The following LIPA variants were observed in gnomAD, a reference collection of about 807,000 sequenced individuals.
The protein encoded by LIPA is lysosomal acid lipase/cholesteryl ester hydrolase.
In LIPA, 26 loss-of-function variants were observed where a neutral mutation model predicts 40.6. The observed-to-expected ratio is 0.64, with a 90% CI of 0.47 to 0.89. The LOEUF (loss-of-function observed/expected upper bound fraction) is 0.89. LIPA is among the 40% of genes least tolerant of loss of function. The pLI is 0.00. For synonymous variants in LIPA, 188 were observed against 168.4 expected (o/e 1.12, Z -0.90); for missense variants, 455 against 479.6 (o/e 0.95, Z 0.48).
chr10:89,384,355 G>A, intron 2 of LIPA: 1 of 1,614,134 alleles, frequency 6.2e-7, no homozygotes, highest in South Asian at 1.1e-5. Flanking sequence ...TGACCTGGCT[G>A]AAACGTATGC....
At chr10:89,384,526 G>C in intron 2 of LIPA, 1 of 1,613,982 alleles carries the variant, frequency 6.2e-7, no homozygotes. Flanking sequence ...TTATTTAAAA[G>C]GTTTGAAAAT....
chr10:89,339,116 G>C, intron 1 of LIPA: 3 of 1,614,108 alleles, frequency 1.9e-6, no homozygotes, highest in Non-Finnish European at 2.5e-6. Flanking sequence ...AGAAATGAAA[G>C]GGCGAAGGTG....
chr10:89,228,462 C>T, intron 3 of LIPA, 64 bp from the exon 4 acceptor site: 1 of 1,283,916 alleles, frequency 7.8e-7, no homozygotes, highest in Non-Finnish European at 1.1e-6. Flanking sequence ...TGATATCTTG[C>T]TAAATAGAAC....
intron 2 of LIPA, chr10:89,403,801 T>C (rs1331381763): frequency 8.3e-6 from 6 of 724,796 alleles, no homozygotes; most frequent in Non-Finnish European, 9.1e-6. Flanking sequence ...TTCAGAAACA[T>C]TATAATTCAC....
At position 89,214,286 on chromosome 10, in the gene LIPA, C is replaced by G. The variant is rs1274026014; in HGVS notation, c.*542G>C. 2.0e-5 allele frequency: 3 copies of G among 152,978 alleles called. No individual in the cohort carries two copies. Among genetic ancestry groups the G allele is most frequent in the African/African-American group, 7.2e-5 (3 of 41,450 alleles). 9.5% of individuals were successfully genotyped at this position (152,978 alleles called of 1,614,324 possible). Reference sequence around the variant, plus strand: ...ATTGTTAGCATCCTTATTACTGGCACAGCTGTGATATTTCTGGATTTGACT... The same window carrying G: ...ATTGTTAGCATCCTTATTACTGGCAGAGCTGTGATATTTCTGGATTTGACT... On this transcript the variant is annotated 3_prime_UTR_variant, in exon 10 of 10. Coordinates refer to ENST00000336233, the MANE Select transcript of LIPA (RefSeq NM_000235.4).
chr10:89,393,744 A>G (rs1011897899), intron 2 of LIPA, among the ~76,000 whole-genome samples: 3 of 152,146 alleles, frequency 2.0e-5, no homozygotes, highest in Middle Eastern at 3.2e-3. Flanking sequence ...ACAAACAAAC[A>G]AACAAAAAAT....
At chr10:89,367,317 G>A (rs1435070563) in intron 2 of LIPA, among the ~76,000 whole-genome samples, 1 of 152,054 alleles carries the variant, frequency 6.6e-6, no homozygotes. Flanking sequence ...AGAACTTAAA[G>A]TATAATAATT....
intron 2 of LIPA, among the ~76,000 whole-genome samples, chr10:89,407,344 C>T (rs1242547419): frequency 6.6e-6 from 1 of 152,200 alleles, no homozygotes; most frequent in Non-Finnish European, 1.5e-5. Flanking sequence ...AAACCACTCC[C>T]TGTCTCTGGT....
At chr10:89,295,701 G>A (rs1039469694) in intron 1 of LIPA, among the ~76,000 whole-genome samples, 1 of 152,168 alleles carries the variant, frequency 6.6e-6, no homozygotes. Context: ...GAAATCTATT[G>A]TTCTAGGAAA....
intron 1 of LIPA, among the ~76,000 whole-genome samples, chr10:89,330,461 G>A (rs1843638526): frequency 6.6e-6 from 1 of 152,188 alleles, no homozygotes; most frequent in Non-Finnish European, 1.5e-5. Flanking sequence ...CTTTAGAGAG[G>A]GGGCCAGGGA....
At position 89,226,979 on chromosome 10, in the gene LIPA, G is replaced by C. The variant is rs1343296713; in HGVS notation, c.454C>G (p.Leu152Val). 5 of 1,612,604 alleles carry C rather than the reference G, an allele frequency of 3.1e-6. No individual in the cohort carries two copies. Among genetic ancestry groups the C allele is most frequent in the Non-Finnish European group, 4.2e-6 (5 of 1,178,720 alleles). Residue 152 changes from leucine (L) to valine (V), a missense_variant, in exon 5 of 10, where the codon CTA becomes GTA. Leu to Val is a conservative substitution (Grantham distance 32, BLOSUM62 1). Transcript: ENST00000336233. ...AGAATGAAGTTAATGGAAGCTGGTA[G>C]GTCATATTTTGCCATCTCATCATAA... ...FSYDEMAKYD[L>V]PASINFILNK...
chr10:89,237,942 T>C (rs986160510), intron 3 of LIPA, among the ~76,000 whole-genome samples: 4 of 152,152 alleles, frequency 2.6e-5, no homozygotes, highest in African/African-American at 7.2e-5. Context: ...ATGGAAAGGA[T>C]TGAATTGGAA....
chr10:89,249,099 T>A (rs906234167), intron 1 of LIPA, among the ~76,000 whole-genome samples: 9 of 152,226 alleles, frequency 5.9e-5, no homozygotes, highest in African/African-American at 2.2e-4. Context: ...CCACTTCTGT[T>A]CTTGCCCCAA....
At chr10:89,392,466 T>TCTC (rs1844266401) in intron 2 of LIPA, 2 of 287,686 alleles carry the variant, frequency 7.0e-6, no homozygotes, top group Non-Finnish European at 1.1e-5. Flanking sequence ...AAAGTTTCAT[T>TCTC]CCCCACCCCC....
At chr10:89,256,731 A>C (rs76626809), upstream of LIPA, among the ~76,000 whole-genome samples, 586 of 152,304 alleles carry the variant, frequency 3.8e-3, 3 homozygotes, top group East Asian at 0.023. Flanking sequence ...ACAAAAGTAA[A>C]AAGTGATGTA....
chr10:89,348,128 T>C (rs948867545), intron 2 of LIPA, among the ~76,000 whole-genome samples: 8 of 152,246 alleles, frequency 5.3e-5, no homozygotes, highest in Admixed American at 1.3e-4. Flanking sequence ...ACCCCAGTGC[T>C]GTCTGTTGTG....
At chr10:89,388,681 A>G (rs1011102911) in intron 2 of LIPA, among the ~76,000 whole-genome samples, 1 of 152,074 alleles carries the variant, frequency 6.6e-6, no homozygotes, top group East Asian at 1.9e-4. Flanking sequence ...TGGTTTTAAT[A>G]TTGTACTACA....
chr10:89,220,583 T>C (rs910406586), intron 8 of LIPA, among the ~76,000 whole-genome samples: 1 of 152,186 alleles, frequency 6.6e-6, no homozygotes, highest in African/African-American at 2.4e-5. Context: ...GTTCAGCACG[T>C]CATGAACTAT....
At chr10:89,217,480 CACAG>C (rs1229424902) in intron 8 of LIPA, among the ~76,000 whole-genome samples, 2 of 152,224 alleles carry the variant, frequency 1.3e-5, no homozygotes, top group African/African-American at 4.8e-5. Context: ...TGCCACTGAA[CACAG>C]ACAGCAGTTC....
Sources: gnomAD v4.1 joint callset for allele counts (sites outside exome capture counted in the v4.1 genomes callset) on GRCh38, gnomAD v4.1.1 for gene constraint, MANE v1.5 for transcripts, NCBI Gene and HGNC (gene_info 2026-07-23, HGNC 2026-07-21) for gene names.